Variants in PITRM1 observed in about 807,000 individuals in gnomAD.
The protein encoded by PITRM1 is pitrilysin metallopeptidase 1, also known as presequence protease, mitochondrial.
In PITRM1, 100 loss-of-function variants were observed where a neutral mutation model predicts 129.9. The ratio of observed to expected loss-of-function variants is 0.77; its 90% CI spans 0.65 to 0.91. The LOEUF (loss-of-function observed/expected upper bound fraction) is 0.91. PITRM1 is among the 40% of genes least tolerant of loss of function. The pLI, the probability that PITRM1 is intolerant of heterozygous loss-of-function variation, is 0.00. For missense variants in PITRM1, 1,471 were observed against 1,318.3 expected, an observed-to-expected ratio of 1.12 and a Z score of -1.79; for synonymous variants, 591 against 508.8, an observed-to-expected ratio of 1.16 and a Z score of -2.17.
chr10:3,163,485 C>T (rs981708217), intron 7 of PITRM1: 3 of 328,088 alleles, frequency 9.1e-6, no homozygotes, highest in Non-Finnish European at 1.7e-5. Context: ...GGACCCTCCT[C>T]TGGGGGACTC....
chr10:3,147,571 C>T lies in PITRM1; in HGVS notation c.2235+1G>A, dbSNP rs201860782. On this transcript the variant is annotated splice_donor_variant, in intron 19 of 26. Coordinates refer to ENST00000224949, the MANE Select transcript of PITRM1 (RefSeq NM_014889.4). LOFTEE classifies it high-confidence loss of function. Reference sequence around the variant, plus strand: ...ATAGAGGTTCCTTCCAAGCTTCCCACCTGATCCATCCCGCTGAAGGTCTCC... The same window carrying T: ...ATAGAGGTTCCTTCCAAGCTTCCCATCTGATCCATCCCGCTGAAGGTCTCC... 6.8e-6 allele frequency: 11 copies of T among 1,613,866 alleles called. No homozygotes were observed. The highest frequency in any genetic ancestry group is 6.7e-5 in the African/African-American group (5 of 74,954).
Position 3,141,665 on chromosome 10 carries a change from C to A in PITRM1, c.2646-853G>T, listed in dbSNP as rs578029285. 123 of 470,908 alleles carry A rather than the reference C, an allele frequency of 2.6e-4. 1 individual carries two copies. The highest frequency in any genetic ancestry group is 1.8e-3 in the South Asian group (118 of 64,504). The allele number at this position is 470,908 out of a possible 1,614,324, so 29.2% of individuals were successfully genotyped here. ...GACAATGATGGGAGGGTCTGCAGCA[C>A]AGACACAGGCTCCTTGAAGACGCCC... On this transcript the variant is annotated intron_variant, in intron 23 of 26. Transcript: ENST00000224949.
intron 16 of PITRM1, chr10:3,149,335 T>C (rs2388557): frequency 0.67 from 171,410 of 257,518 alleles, 57,586 homozygotes; most frequent in Non-Finnish European, 0.7. Flanking sequence ...ATTACTTACA[T>C]TTTCGGATTA....
chr10:3,144,094 C>G (rs1488339938), intron 22 of PITRM1, 198 bp downstream of exon 22: 9 of 596,592 alleles, frequency 1.5e-5, no homozygotes, highest in South Asian at 6.2e-5. Flanking sequence ...CACACCCCCA[C>G]CAGGGCCTTC....
chr10:3,160,041 G>A (rs973346551), intron 8 of PITRM1, 105 bp from the exon 9 acceptor site: 59 of 1,243,590 alleles, frequency 4.7e-5, no homozygotes, highest in Non-Finnish European at 6.7e-5. Context: ...TTTCCACTAA[G>A]TTAACTTTCC....
At chr10:3,152,069 C>T (rs1010242147) in intron 14 of PITRM1, among the ~76,000 whole-genome samples, 5 of 152,110 alleles carry the variant, frequency 3.3e-5, no homozygotes, top group Non-Finnish European at 7.4e-5. Context: ...TCTATTGTTT[C>T]ATTTTCACTA....
In PITRM1 at chr10:3,158,041, C is replaced by G. The variant is rs777529772; in HGVS notation, c.1249G>C (p.Glu417Gln). The G allele has an allele frequency of 1.3e-6, 2 of 1,573,080 alleles. No individual in the cohort carries two copies. Among genetic ancestry groups the G allele is most frequent in the South Asian group, 1.1e-5 (1 of 90,320 alleles). Residue 417 changes from glutamate (E) to glutamine (Q), a missense_variant and splice_region_variant, in exon 11 of 27, where the codon GAG becomes CAG. Transcript: ENST00000224949. ...TTGTTACAAACAAGCTACACTCACT[C>G]AACTACTTCATCAATCGTTCTGTCT... is the stretch of plus-strand genomic sequence containing the variant. ...LIDRTIDEVV[E>Q]KGFEDDRIEA...
upstream of PITRM1, chr10:3,172,794 T>G: frequency 2.0e-6 from 3 of 1,483,270 alleles, no homozygotes; most frequent in Non-Finnish European, 2.7e-6. Flanking sequence ...AGCACCTGGC[T>G]GGCGAGGAAC....
At chr10:3,159,139 TCTA>T (rs1842226713) in intron 9 of PITRM1, 97 bp from the exon 10 acceptor site, 18 of 1,058,144 alleles carry the variant, frequency 1.7e-5, no homozygotes, top group Admixed American at 3.0e-5. Context: ...TACACATCTT[TCTA>T]GAAATTCTTG....
At chr10:3,165,584 T>C in intron 4 of PITRM1, 57 bp from the exon 5 acceptor site, 1 of 1,048,922 alleles carries the variant, frequency 9.5e-7, no homozygotes, top group Non-Finnish European at 1.5e-6. Flanking sequence ...CTAAAATTAT[T>C]GACTCTCAAG....
rs1165212923 is a variant in PITRM1, at chr10:3,145,624, C to T, written c.2429G>A (p.Arg810Gln). The change falls in exon 21 of 27, where the codon CGG (arginine) becomes CAG (glutamine). Residue 810 changes from arginine (R) to glutamine (Q), a missense_variant. By Grantham distance (43) the Arg-to-Gln change is conservative (BLOSUM62 1). Coordinates refer to ENST00000224949, the MANE Select transcript of PITRM1 (RefSeq NM_014889.4). The stretch of plus-strand genomic sequence containing the variant: ...GACCGTGTGTGGGCGCACAGGCCTC[C>T]GTTCCTTTTTACTCCGACCGATGCT... ...LRSIGRSKKE[R>Q]RPVRPHTVEK... 21 of 1,550,024 alleles carry T rather than the reference C, an allele frequency of 1.4e-5. No homozygotes were observed. In the East Asian group the frequency reaches 1.5e-4, roughly 11 times the overall value.
chr10:3,150,362 G>C (rs917004723), intron 15 of PITRM1, among the ~76,000 whole-genome samples: 2 of 152,214 alleles, frequency 1.3e-5, no homozygotes, highest in Admixed American at 1.3e-4. Flanking sequence ...AGGGTTAACA[G>C]ATCAGAGAGA....
At position 3,148,225 on chromosome 10, in the gene PITRM1, C is replaced by CA. The variant is rs1485292784; in HGVS notation, c.1937dup (p.Met646IlefsTer41). ...CGGGGAGCACGTGGGGAGAAGCACT[C>CA]ATCCCTCCGGTCTTCAATTCTATCT... is the stretch of plus-strand genomic sequence containing the variant. On this transcript the variant is annotated frameshift_variant, in exon 17 of 27. Coordinates refer to ENST00000224949, the MANE Select transcript of PITRM1 (RefSeq NM_014889.4). LOFTEE classifies it high-confidence loss of function. 1 of 1,613,896 alleles carries CA rather than the reference C, an allele frequency of 6.2e-7. No homozygotes were observed. Among genetic ancestry groups the CA allele is most frequent in the East Asian group, 2.2e-5 (1 of 44,898 alleles).
At chr10:3,146,994 A>G (rs1840943169) in intron 20 of PITRM1, 156 bp downstream of exon 20, 1 of 492,158 alleles carries the variant, frequency 2.0e-6, no homozygotes, top group Non-Finnish European at 3.6e-6. Context: ...TAGGCTTAAA[A>G]TATTTTCTTA....
Position 3,167,011 on chromosome 10 carries a change from G to A in PITRM1, c.191C>T (p.Ala64Val), listed in dbSNP as rs531160190. Residue 64 changes from alanine (A) to valine (V), a missense_variant, in exon 3 of 27, where the codon GCA becomes GTA. Physicochemically the swap from Ala to Val is moderately conservative, Grantham distance 64. Transcript: ENST00000224949. ...TGTGTCATCATGGGTGAGCTTCACT[G>A]CAGTCAGGAACAGCTCGGGAACAGA... ...VTSVPELFLT[A>V]VKLTHDDTGA... 11 of 1,609,754 alleles carry A rather than the reference G, an allele frequency of 6.8e-6. No homozygotes were observed. Among genetic ancestry groups the A allele is most frequent in the South Asian group, 2.2e-5 (2 of 90,060 alleles).
intron 7 of PITRM1, among the ~76,000 whole-genome samples, chr10:3,160,767 T>G (rs1299124889): frequency 6.8e-6 from 1 of 146,580 alleles, no homozygotes; most frequent in Non-Finnish European, 1.5e-5. Context: ...TGGTGGGGGG[T>G]TTTTTTTTTT....
At chr10:3,162,748 G>A (rs955765368) in intron 7 of PITRM1, among the ~76,000 whole-genome samples, 5 of 152,214 alleles carry the variant, frequency 3.3e-5, no homozygotes, top group Admixed American at 1.3e-4. Context: ...GGCGGGAACA[G>A]CCAGGCCACC....
At chr10:3,151,509 A>G (rs1244421887) in intron 14 of PITRM1, 146 bp from the exon 15 acceptor site, 1 of 612,434 alleles carries the variant, frequency 1.6e-6, no homozygotes, top group Non-Finnish European at 2.9e-6. Flanking sequence ...TTTGCAAAGT[A>G]TCTCCTATTT....
At chr10:3,170,303 T>C in intron 1 of PITRM1, 97 bp from the exon 2 acceptor site, 2 of 820,894 alleles carry the variant, frequency 2.4e-6, no homozygotes, top group Non-Finnish European at 3.8e-6. Context: ...GTAATAAAGA[T>C]TATTAAAGAA....
Sources: gnomAD v4.1 joint callset for allele counts (sites outside exome capture counted in the v4.1 genomes callset) on GRCh38, gnomAD v4.1.1 for gene constraint, MANE v1.5 for transcripts, NCBI Gene and HGNC (gene_info 2026-07-23, HGNC 2026-07-21) for gene names.